KCNJ6: variants seen among roughly 807,000 people sequenced by gnomAD.
The protein encoded by KCNJ6 is G protein-activated inward rectifier potassium channel 2.
In KCNJ6, 9 loss-of-function variants were observed where a neutral mutation model predicts 34.2. The observed-to-expected ratio is 0.26, with a 90% CI of 0.16 to 0.46. The LOEUF (loss-of-function observed/expected upper bound fraction) is 0.46, where lower values mean the gene tolerates loss of function less well. Ranked by LOEUF, KCNJ6 falls within the 20% of genes least tolerant of loss-of-function variation. The pLI is 1.00. For synonymous variants in KCNJ6, 196 were observed against 207.1 expected (o/e 0.95, Z 0.46); for missense variants, 236 against 531.3 (o/e 0.44, Z 5.46).
intron 2 of KCNJ6, among the ~76,000 whole-genome samples, chr21:37,717,838 T>C (rs1052316721): frequency 6.6e-6 from 1 of 152,200 alleles, no homozygotes; most frequent in Non-Finnish European, 1.5e-5. Context: ...TTCAGTGATA[T>C]ATCATACTTA....
chr21:37,916,165 C>T lies in KCNJ6; in HGVS notation c.-309G>A, dbSNP rs1282818685. The T allele has an allele frequency of 2.6e-5, 4 of 152,120 alleles. No homozygotes were observed. Among genetic ancestry groups the T allele is most frequent in the Non-Finnish European group, 5.9e-5 (4 of 68,072 alleles). 9.4% of individuals were successfully genotyped at this position (152,120 alleles called of 1,614,324 possible). On this transcript the variant is annotated 5_prime_UTR_variant, in exon 1 of 4. Transcript: ENST00000609713. ...AGCCTCTCCAGCCAGGTGCGGCCGT[C>T]TCCGGACTGGCTCCCTCTGGCCGAG...
At chr21:37,679,389 G>C (rs1169133278) in intron 3 of KCNJ6, among the ~76,000 whole-genome samples, 1 of 152,202 alleles carries the variant, frequency 6.6e-6, no homozygotes, top group Non-Finnish European at 1.5e-5. Flanking sequence ...TCACTCTCCT[G>C]TGCCTCTGTT....
At chr21:37,753,472 G>A (rs2055007121) in intron 2 of KCNJ6, among the ~76,000 whole-genome samples, 1 of 152,132 alleles carries the variant, frequency 6.6e-6, no homozygotes, top group Non-Finnish European at 1.5e-5. Flanking sequence ...CATCAAGAAC[G>A]TATCCCAGCC....
chr21:37,897,883 A>G (rs1019337435), intron 1 of KCNJ6, among the ~76,000 whole-genome samples: 1 of 152,256 alleles, frequency 6.6e-6, no homozygotes, highest in Non-Finnish European at 1.5e-5. Flanking sequence ...CTTAAGACCC[A>G]GTGGGATCCA....
intron 2 of KCNJ6, among the ~76,000 whole-genome samples, chr21:37,810,585 T>C (rs1240820787): frequency 6.6e-6 from 1 of 152,244 alleles, no homozygotes; most frequent in African/African-American, 2.4e-5. Flanking sequence ...CAGGACCATT[T>C]AAATATGAGC....
At chr21:37,815,925 G>A (rs942974595) in intron 2 of KCNJ6, among the ~76,000 whole-genome samples, 2 of 152,220 alleles carry the variant, frequency 1.3e-5, no homozygotes, top group African/African-American at 4.8e-5. Flanking sequence ...ACTGCAACAA[G>A]CGCTAAGAGT....
At chr21:37,703,688 C>T (rs911631149) in intron 3 of KCNJ6, among the ~76,000 whole-genome samples, 3 of 152,194 alleles carry the variant, frequency 2.0e-5, no homozygotes, top group African/African-American at 7.2e-5. Flanking sequence ...TGGGCCACCA[C>T]CTTCCTGGGT....
chr21:37,658,529 G>A (rs1037525324), intron 3 of KCNJ6, among the ~76,000 whole-genome samples: 1 of 152,226 alleles, frequency 6.6e-6, no homozygotes, highest in Non-Finnish European at 1.5e-5. Context: ...AGAAATGGGT[G>A]GTGGTGATAC....
intron 3 of KCNJ6, among the ~76,000 whole-genome samples, chr21:37,654,006 A>T (rs1225115630): frequency 6.6e-6 from 1 of 151,998 alleles, no homozygotes; most frequent in Non-Finnish European, 1.5e-5. Context: ...AAGTTCTGGA[A>T]CCAGCCTGGA....
At chr21:37,862,744 A>G (rs563989786) in intron 1 of KCNJ6, among the ~76,000 whole-genome samples, 70 of 152,318 alleles carry the variant, frequency 4.6e-4, no homozygotes, top group African/African-American at 1.6e-3. Context: ...CAGTTTTGTA[A>G]AAGAGTACAA....
intron 2 of KCNJ6, among the ~76,000 whole-genome samples, chr21:37,729,354 C>T (rs982732696): frequency 6.6e-6 from 1 of 151,794 alleles, no homozygotes; most frequent in African/African-American, 2.4e-5. Flanking sequence ...GGCAGGGTCT[C>T]ACTCTGTCAC....
intron 1 of KCNJ6, among the ~76,000 whole-genome samples, chr21:37,896,458 G>A (rs1038177469): frequency 6.6e-6 from 1 of 152,190 alleles, no homozygotes; most frequent in African/African-American, 2.4e-5. Flanking sequence ...CTGATGTGGG[G>A]CTGACTGCTT....
At chr21:37,828,030 C>A (rs901203100) in intron 2 of KCNJ6, among the ~76,000 whole-genome samples, 2 of 152,148 alleles carry the variant, frequency 1.3e-5, no homozygotes, top group African/African-American at 4.8e-5. Flanking sequence ...TCTCTTAAGG[C>A]CACACTGACG....
At chr21:37,846,599 G>A (rs2055509774) in intron 1 of KCNJ6, among the ~76,000 whole-genome samples, 1 of 152,038 alleles carries the variant, frequency 6.6e-6, no homozygotes, top group South Asian at 2.1e-4. Flanking sequence ...TTAAGGATGA[G>A]GGGGAAACTC....
chr21:37,812,294 G>A (rs768393194), intron 2 of KCNJ6, among the ~76,000 whole-genome samples: 25 of 152,134 alleles, frequency 1.6e-4, no homozygotes, highest in Non-Finnish European at 2.9e-4. Flanking sequence ...TCTTAGAGCT[G>A]AAAGTGCTGA....
chr21:37,802,436 G>A (rs946086277), intron 2 of KCNJ6, among the ~76,000 whole-genome samples: 1 of 151,584 alleles, frequency 6.6e-6, no homozygotes, highest in Non-Finnish European at 1.5e-5. Context: ...AATCACAAGG[G>A]TCCTTATAAG....
intron 2 of KCNJ6, among the ~76,000 whole-genome samples, chr21:37,744,343 G>A (rs775514830): frequency 6.6e-4 from 100 of 151,872 alleles, no homozygotes; most frequent in Non-Finnish European, 1.2e-3. Context: ...GGATAGTATA[G>A]GTGTCTATTT....
chr21:37,829,736 C>T (rs1361808944), intron 2 of KCNJ6, among the ~76,000 whole-genome samples: 1 of 152,196 alleles, frequency 6.6e-6, no homozygotes, highest in African/African-American at 2.4e-5. Flanking sequence ...CCTGTGAACC[C>T]ATGCGAGAGA....
Position 37,635,967 on chromosome 21 carries a change from C to T in KCNJ6, c.947-10483G>A, listed in dbSNP as rs528335173. On this transcript the variant is annotated intron_variant, in intron 3 of 3. Transcript: ENST00000609713. ...GCTTGTAATTATTCATGCAAAGGTC[C>T]TTCTTGTTCAGTGTTTTCAGAACCA... Among the ~76,000 whole-genome samples the T allele has an allele frequency of 3.8e-4, 58 of 152,206 alleles. 2 individuals carry two copies. The South Asian group carries it at 0.012, about 31-fold the overall frequency.
Sources: allele counts gnomAD v4.1 joint callset (sites outside exome capture counted in the v4.1 genomes callset), GRCh38; gene constraint gnomAD v4.1.1; transcripts MANE v1.5; gene names NCBI Gene and HGNC (gene_info 2026-07-23, HGNC 2026-07-21).